NLK: variants seen among roughly 807,000 people sequenced by gnomAD.
NLK encodes the protein serine/threonine-protein kinase NLK.
Under a neutral mutation model 59.0 loss-of-function variants are expected in NLK, and 11 were observed. The observed-to-expected ratio is 0.19, with a 90% CI of 0.12 to 0.31. NLK has a LOEUF of 0.31. Among genes scored for constraint, NLK ranks in the 10% least tolerant of loss-of-function variants. NLK has a pLI of 1.00. For synonymous variants in NLK, 235 were observed against 235.9 expected, an observed-to-expected ratio of 1.00 and a Z score of 0.03; for missense variants, 410 against 661.1, an observed-to-expected ratio of 0.62 and a Z score of 4.16.
intron 1 of NLK, among the ~76,000 whole-genome samples, chr17:28,053,499 C>T (rs1447170642): frequency 6.6e-6 from 1 of 152,078 alleles, no homozygotes; most frequent in African/African-American, 2.4e-5. Flanking sequence ...CTCTTTTTAT[C>T]CTCTCCGTAT....
At chr17:28,091,307 A>G (rs1904483333) in intron 1 of NLK, among the ~76,000 whole-genome samples, 1 of 152,164 alleles carries the variant, frequency 6.6e-6, no homozygotes, top group Admixed American at 6.5e-5. Context: ...AATAATGGTA[A>G]ACTGGGACAG....
intron 1 of NLK, among the ~76,000 whole-genome samples, chr17:28,107,255 GAGACCCCC>G (rs1905218039): frequency 6.6e-6 from 1 of 151,958 alleles, no homozygotes; most frequent in Non-Finnish European, 1.5e-5. Flanking sequence ...CCAACATGAT[GAGACCCCC>G]GTCTCTACTA....
At chr17:28,119,126 G>A (rs1176353897) in intron 1 of NLK, among the ~76,000 whole-genome samples, 1 of 152,112 alleles carries the variant, frequency 6.6e-6, no homozygotes, top group Non-Finnish European at 1.5e-5. Flanking sequence ...GAAACTAAGC[G>A]CCTCAAGCCT....
chr17:28,113,151 ATTAT>A (rs575455910), intron 1 of NLK, among the ~76,000 whole-genome samples: 131 of 152,328 alleles, frequency 8.6e-4, no homozygotes, highest in African/African-American at 2.8e-3. Context: ...AACCTTTCTA[ATTAT>A]TTAGTAACAC....
intron 1 of NLK, among the ~76,000 whole-genome samples, chr17:28,053,403 C>T (rs1189458872): frequency 1.3e-5 from 2 of 152,122 alleles, no homozygotes; most frequent in Non-Finnish European, 2.9e-5. Flanking sequence ...CTTTGTTTGC[C>T]TAAAGTAGCA....
intron 1 of NLK, among the ~76,000 whole-genome samples, chr17:28,050,074 G>C (rs1851430844): frequency 6.6e-6 from 1 of 152,204 alleles, no homozygotes; most frequent in African/African-American, 2.4e-5. Flanking sequence ...AAGGATTAAA[G>C]GTGATTATGA....
chr17:28,141,619 C>T (rs770611815), intron 3 of NLK, among the ~76,000 whole-genome samples: 1 of 152,082 alleles, frequency 6.6e-6, no homozygotes, highest in Non-Finnish European at 1.5e-5. Flanking sequence ...GTTTTTCAGA[C>T]GTGTTAAGGA....
intron 2 of NLK, among the ~76,000 whole-genome samples, chr17:28,123,742 CAAAT>C (rs1265055074): frequency 2.0e-5 from 3 of 152,200 alleles, no homozygotes; most frequent in South Asian, 4.1e-4. Context: ...GACTTATAGA[CAAAT>C]AGACTCGTGT....
chr17:28,043,817 A>C (rs1908959469), intron 1 of NLK, among the ~76,000 whole-genome samples: 2 of 152,200 alleles, frequency 1.3e-5, no homozygotes, highest in Admixed American at 1.3e-4. Flanking sequence ...TGATCTCCAG[A>C]AGAAAGATAG....
intron 3 of NLK, among the ~76,000 whole-genome samples, chr17:28,146,379 ATGT>A (rs1434893627): frequency 4.8e-5 from 3 of 62,392 alleles, no homozygotes; most frequent in Non-Finnish European, 3.0e-5. Flanking sequence ...TCATATAACG[ATGT>A]TGATGATGAT....
At chr17:28,138,039 G>A (rs769107053) in intron 3 of NLK, among the ~76,000 whole-genome samples, 2 of 152,078 alleles carry the variant, frequency 1.3e-5, no homozygotes, top group African/African-American at 2.4e-5. Context: ...AAACAGTTTG[G>A]TACTTAATTA....
intron 4 of NLK, among the ~76,000 whole-genome samples, 171 bp from the exon 5 acceptor site, chr17:28,163,372 G>A (rs1347389919): frequency 6.6e-6 from 1 of 152,186 alleles, no homozygotes; most frequent in Non-Finnish European, 1.5e-5. Flanking sequence ...TTATTTTACT[G>A]TAGCAAAATT....
intron 2 of NLK, among the ~76,000 whole-genome samples, chr17:28,125,869 T>C (rs1016264597): frequency 2.6e-5 from 4 of 152,294 alleles, no homozygotes; most frequent in African/African-American, 9.6e-5. Context: ...GCTAGATACT[T>C]TACATATATT....
chr17:28,128,454 AG>A (rs1463882633), intron 2 of NLK, among the ~76,000 whole-genome samples: 1 of 152,164 alleles, frequency 6.6e-6, no homozygotes, highest in Non-Finnish European at 1.5e-5. Flanking sequence ...TTTCAGACTG[AG>A]TTATATATCT....
intron 1 of NLK, among the ~76,000 whole-genome samples, chr17:28,050,842 C>T (rs1909226970): frequency 6.6e-6 from 1 of 152,072 alleles, no homozygotes. Flanking sequence ...TGGTGGTTCA[C>T]ACCTGTAAAC....
intron 10 of NLK, among the ~76,000 whole-genome samples, chr17:28,194,373 A>G (rs970201057): frequency 6.6e-6 from 1 of 152,222 alleles, no homozygotes; most frequent in East Asian, 1.9e-4. Context: ...TTTCAAGCCT[A>G]CATATTAGCC....
chr17:28,204,554 C>T, the NLK span, among the ~76,000 whole-genome samples: 1 of 152,144 alleles, frequency 6.6e-6, no homozygotes, highest in South Asian at 2.1e-4. Flanking sequence ...GGATGTGGAT[C>T]CATTCATTCA....
intron 1 of NLK, among the ~76,000 whole-genome samples, chr17:28,053,686 G>T (rs749564302): frequency 1.1e-4 from 16 of 152,192 alleles, no homozygotes; most frequent in Non-Finnish European, 2.2e-4. Flanking sequence ...GGTGAAAAGA[G>T]ACATTTGAAC....
chr17:28,140,751 T>TAA (rs768369528), intron 3 of NLK, among the ~76,000 whole-genome samples: 2 of 141,470 alleles, frequency 1.4e-5, no homozygotes, highest in Admixed American at 1.4e-4. Flanking sequence ...GTCTTATGGA[T>TAA]AAAAAAAAAA....
Sources: allele counts gnomAD v4.1 joint callset (sites outside exome capture counted in the v4.1 genomes callset), GRCh38; gene constraint gnomAD v4.1.1; transcripts MANE v1.5; gene names NCBI Gene and HGNC (gene_info 2026-07-23, HGNC 2026-07-21).